The following CSMD3 variants were observed in gnomAD, a reference collection of about 807,000 sequenced individuals.
The protein encoded by CSMD3 is CUB and Sushi multiple domains 3, also known as CUB and sushi domain-containing protein 3.
In CSMD3, 177 loss-of-function variants were observed where a neutral mutation model predicts 435.2. The observed-to-expected ratio is 0.41, with a 90% CI of 0.36 to 0.46. The LOEUF (loss-of-function observed/expected upper bound fraction) is 0.46, where lower values mean the gene tolerates loss of function less well. CSMD3 is among the 20% of genes least tolerant of loss of function. The probability of loss-of-function intolerance (pLI) is 0.34; values close to 1 mark genes in which losing one functional copy is unlikely to be tolerated. For synonymous variants in CSMD3, 1,656 were observed against 1,520.5 expected, an observed-to-expected ratio of 1.09 and a Z score of -2.07; for missense variants, 4,265 against 4,504.6, an observed-to-expected ratio of 0.95 and a Z score of 1.52.
At chr8:113,311,411 C>T (rs2093867681) in intron 2 of CSMD3, 1 of 151,966 alleles carries the variant, frequency 6.6e-6, no homozygotes, top group Non-Finnish European at 1.5e-5. Flanking sequence ...AATGACAAGA[C>T]CCACAAACCA....
intron 11 of CSMD3, among the ~76,000 whole-genome samples, chr8:112,837,416 A>C (rs2080058254): frequency 6.6e-6 from 1 of 151,788 alleles, no homozygotes; most frequent in Admixed American, 6.6e-5. Flanking sequence ...AATATAGATA[A>C]GTCCACAGGA....
chr8:113,068,100 C>T (rs1167547023), intron 5 of CSMD3, among the ~76,000 whole-genome samples: 4 of 151,980 alleles, frequency 2.6e-5, no homozygotes, highest in Non-Finnish European at 5.9e-5. Flanking sequence ...TGGAAAAATG[C>T]TGTATAAAAA....
chr8:112,562,058 T>G (rs1042321832), intron 24 of CSMD3, among the ~76,000 whole-genome samples: 2 of 151,676 alleles, frequency 1.3e-5, no homozygotes, highest in African/African-American at 4.8e-5. Context: ...TGTACACGTG[T>G]TTTTATAGGG....
chr8:113,377,228 A>C (rs1588628548), intron 1 of CSMD3: 1 of 864,014 alleles, frequency 1.2e-6, no homozygotes, highest in Non-Finnish European at 1.5e-6. Context: ...CCGAAGGGCC[A>C]GCCGAGGATA....
intron 67 of CSMD3, among the ~76,000 whole-genome samples, chr8:112,235,235 T>A (rs1323740864): frequency 6.6e-6 from 1 of 151,934 alleles, no homozygotes. Flanking sequence ...CTTTAAAAAA[T>A]TAGCCAGCCA....
chr8:113,329,209 A>AAATAAATAAATAAATAAATG (rs2094008342), intron 1 of CSMD3, among the ~76,000 whole-genome samples: 1 of 148,384 alleles, frequency 6.7e-6, no homozygotes, highest in Non-Finnish European at 1.5e-5. Flanking sequence ...GAATGAAAAT[A>AAATAAATAAATAAATAAATG]AATAAATAAA....
chr8:112,774,070 G>A (rs936837172), intron 13 of CSMD3, among the ~76,000 whole-genome samples: 2 of 151,864 alleles, frequency 1.3e-5, no homozygotes, highest in Non-Finnish European at 2.9e-5. Flanking sequence ...ATCAGCTATG[G>A]AAACTCATAC....
At chr8:112,304,595 G>A (rs1010877325) in intron 52 of CSMD3, 126 bp downstream of exon 52, 4 of 745,842 alleles carry the variant, frequency 5.4e-6, no homozygotes, top group African/African-American at 3.5e-5. Flanking sequence ...AACGTAACGA[G>A]AATAAATGAC....
At chr8:112,937,416 T>C (rs2083316726) in intron 9 of CSMD3, among the ~76,000 whole-genome samples, 1 of 150,154 alleles carries the variant, frequency 6.7e-6, no homozygotes, top group Non-Finnish European at 1.5e-5. Context: ...AGTGGCACGA[T>C]CTTGGCTCAC....
At chr8:112,782,445 C>A (rs1236511261) in intron 13 of CSMD3, among the ~76,000 whole-genome samples, 1 of 151,788 alleles carries the variant, frequency 6.6e-6, no homozygotes, top group Non-Finnish European at 1.5e-5. Context: ...AAAAGATCTA[C>A]AAAATAGCCT....
intron 30 of CSMD3, among the ~76,000 whole-genome samples, chr8:112,497,132 T>G (rs1821431336): frequency 6.6e-6 from 1 of 151,930 alleles, no homozygotes; most frequent in Admixed American, 6.6e-5. Context: ...TTTTCGTGTT[T>G]TTACTTATTT....
intron 1 of CSMD3, among the ~76,000 whole-genome samples, chr8:113,401,447 T>C (rs1457846498): frequency 2.6e-5 from 4 of 151,664 alleles, no homozygotes; most frequent in East Asian, 3.8e-4. Context: ...GGCATTTAAA[T>C]TGTACACGCT....
chr8:112,590,592 G>T (rs1831101118), intron 22 of CSMD3, among the ~76,000 whole-genome samples: 1 of 152,112 alleles, frequency 6.6e-6, no homozygotes, highest in Non-Finnish European at 1.5e-5. Flanking sequence ...TTTCTTAGGT[G>T]TGTATGAATG....
intron 12 of CSMD3, among the ~76,000 whole-genome samples, chr8:112,816,073 T>C (rs1452348820): frequency 1.3e-5 from 2 of 152,116 alleles, no homozygotes; most frequent in Admixed American, 6.5e-5. Context: ...ACTACAGAGC[T>C]CTACAGCTCA....
intron 3 of CSMD3, among the ~76,000 whole-genome samples, chr8:113,227,419 T>C (rs556212029): frequency 5.3e-5 from 8 of 151,610 alleles, no homozygotes; most frequent in Non-Finnish European, 8.9e-5. Context: ...CTTAAATCTC[T>C]TAGGAAACAA....
chr8:112,948,057 G>A (rs1376916732), intron 8 of CSMD3, among the ~76,000 whole-genome samples, 180 bp from the exon 9 acceptor site: 2 of 151,800 alleles, frequency 1.3e-5, no homozygotes, highest in Admixed American at 1.3e-4. Context: ...AGCATTTTAT[G>A]AACTAATGAG....
intron 6 of CSMD3, among the ~76,000 whole-genome samples, chr8:112,983,047 T>A (rs949414325): frequency 2.0e-5 from 3 of 151,998 alleles, no homozygotes; most frequent in African/African-American, 7.2e-5. Context: ...CATTTCCCCA[T>A]CTGCTTCTTC....
intron 38 of CSMD3, among the ~76,000 whole-genome samples, chr8:112,353,587 T>C (rs1016260791): frequency 6.6e-6 from 1 of 152,128 alleles, no homozygotes; most frequent in Non-Finnish European, 1.5e-5. Context: ...CCTCCCAAGA[T>C]AGAATTTTTT....
At chr8:113,042,043 A>G (rs967122723) in intron 5 of CSMD3, among the ~76,000 whole-genome samples, 3 of 152,162 alleles carry the variant, frequency 2.0e-5, no homozygotes, top group Non-Finnish European at 4.4e-5. Context: ...GATTTCCTCA[A>G]TTTTAATATG....
Sources: gnomAD v4.1 joint callset for allele counts (sites outside exome capture counted in the v4.1 genomes callset) on GRCh38, gnomAD v4.1.1 for gene constraint, MANE v1.5 for transcripts, NCBI Gene and HGNC (gene_info 2026-07-23, HGNC 2026-07-21) for gene names.